COL12A1: variants seen among roughly 807,000 people sequenced by gnomAD.
COL12A1 encodes the protein collagen type XII alpha 1 chain.
In COL12A1, 114 loss-of-function variants were observed where a neutral mutation model predicts 349.7. That is an observed-to-expected ratio of 0.33 (90% CI 0.28 to 0.38). The LOEUF (loss-of-function observed/expected upper bound fraction) is 0.38, where lower values mean the gene tolerates loss of function less well. COL12A1 is among the 10% of genes least tolerant of loss of function. The pLI, the probability that COL12A1 is intolerant of heterozygous loss-of-function variation, is 1.00. For missense variants in COL12A1, 3,284 were observed against 3,756.9 expected, an observed-to-expected ratio of 0.87 and a Z score of 3.29; for synonymous variants, 1,369 against 1,329.0, an observed-to-expected ratio of 1.03 and a Z score of -0.66.
chr6:75,200,286 T>C (rs1770461569), intron 2 of COL12A1, among the ~76,000 whole-genome samples: 1 of 152,170 alleles, frequency 6.6e-6, no homozygotes, highest in African/African-American at 2.4e-5. Context: ...TCTTAAAATG[T>C]GGCCAGTACG....
rs373739940 is a variant in COL12A1 at position 75,133,410 on chromosome 6, C to T, written c.5677G>A (p.Gly1893Arg). The stretch of plus-strand genomic sequence containing the variant: ...CTAAGAATGGCATAATTGGTATTCC[C>T]GGGGATTGGTACCTAAAGATTTTAA... ...GGPEELVPIP[G>R]NTNYAILRNL... The change falls in exon 34 of 66, where the codon GGG (glycine) becomes AGG (arginine). Residue 1893 changes from glycine to arginine, a missense_variant. Physicochemically the swap from Gly to Arg is moderately radical, Grantham distance 125. Transcript: ENST00000322507. The T allele has an allele frequency of 7.0e-5, 113 of 1,606,724 alleles. No individual in the cohort carries two copies. The highest frequency in any genetic ancestry group is 6.6e-4 in the Middle Eastern group (4 of 6,032).
intron 13 of COL12A1, 133 bp from the exon 14 acceptor site, chr6:75,165,912 C>A: frequency 1.2e-6 from 1 of 825,850 alleles, no homozygotes; most frequent in Non-Finnish European, 1.9e-6. Context: ...CCCATTTCTT[C>A]TTTTTGAGTT....
intron 53 of COL12A1, among the ~76,000 whole-genome samples, chr6:75,106,077 C>T (rs1188435131): frequency 6.6e-6 from 1 of 152,098 alleles, no homozygotes; most frequent in Non-Finnish European, 1.5e-5. Flanking sequence ...ATCTAAAAAA[C>T]CTTAGTCATC....
In COL12A1 at chr6:75,195,133, T is replaced by C. The variant is rs145319857; in HGVS notation, c.74-186A>G. On this transcript the variant is annotated intron_variant, in intron 2 of 65. Transcript: ENST00000322507. ...AAAGCTGACAAAACATCAGAGAGTG[T>C]ACATATTACAGAAGACAGCACAAAA... Among the ~76,000 whole-genome samples the C allele has an allele frequency of 3.6e-4, 55 of 152,226 alleles. No individual in the cohort carries two copies. In the East Asian group the frequency reaches 0.01, roughly 29 times the overall value.
Position 75,165,496 on chromosome 6 carries a change from A to G in COL12A1, c.2983+11T>C, listed in dbSNP as rs538734381. The G allele has an allele frequency of 1.9e-6, 3 of 1,611,896 alleles. No individual in the cohort carries two copies. Among genetic ancestry groups the G allele is most frequent in the Non-Finnish European group, 2.5e-6 (3 of 1,179,478 alleles). On this transcript the variant is annotated intron_variant, in intron 14 of 65. Transcript: ENST00000322507. Reference sequence around the variant, plus strand: ...CGGCACACACCCAAACACACCCATAATGTTACCTACATTCAGTTGTGGCAT... The same window carrying G: ...CGGCACACACCCAAACACACCCATAGTGTTACCTACATTCAGTTGTGGCAT...
At chr6:75,189,162 A>G in intron 7 of COL12A1, 55 bp downstream of exon 7, 1 of 1,551,798 alleles carries the variant, frequency 6.4e-7, no homozygotes, top group East Asian at 2.2e-5. Flanking sequence ...CTTCCTAAAC[A>G]TTAAGTATAC....
chr6:75,124,448 C>T (rs1432638755), intron 40 of COL12A1, 77 bp from the exon 41 acceptor site: 3 of 1,048,674 alleles, frequency 2.9e-6, no homozygotes, highest in Non-Finnish European at 4.1e-6. Flanking sequence ...ACACAATTTT[C>T]AAACTTTCAC....
chr6:75,130,910 G>A lies in COL12A1; in HGVS notation c.6009C>T (p.Asn2003=). 6.2e-7 allele frequency: 1 copy of A among 1,614,106 alleles called. No individual in the cohort carries two copies. The highest frequency in any genetic ancestry group is 8.5e-7 in the Non-Finnish European group (1 of 1,179,992). ...CTCCATCCGAGTACAGAGCCACAAG[G>A]TTCACGGAATAGAGTGTGTCCGGAA... ...RLIPDTLYSV[N]LVALYSDGEG... is the part of the protein sequence containing the mutation. Residue 2003 remains asparagine (N), a synonymous_variant, in exon 36 of 66, where the codon AAC becomes AAT. Transcript: ENST00000322507.
rs549531982 is a variant in COL12A1 at position 75,095,611 on chromosome 6, G to A, written c.8578-432C>T. On this transcript the variant is annotated intron_variant, in intron 59 of 65. Coordinates refer to ENST00000322507, the MANE Select transcript of COL12A1 (RefSeq NM_004370.6). ...CGCAGTCCGGCCTGGGCGACAGAGC[G>A]AGACTCCGTCTCAAAAAAAAAAAAA... 2.3e-3 allele frequency among the ~76,000 whole-genome samples: 309 copies of A among 136,690 alleles called. 1 individual carries two copies. The highest frequency in any genetic ancestry group is 4.0e-3 in the Middle Eastern group (1 of 248). The allele number at this position is 136,690 out of a possible 152,430, so 89.7% of individuals were successfully genotyped here.
chr6:75,114,639 G>A (rs1198868480), intron 49 of COL12A1, among the ~76,000 whole-genome samples: 9 of 152,024 alleles, frequency 5.9e-5, no homozygotes, highest in Non-Finnish European at 8.8e-5. Flanking sequence ...AAGCTTTCAT[G>A]TCCTAATACC....
chr6:75,116,373 C>T (rs1273646496), intron 47 of COL12A1, among the ~76,000 whole-genome samples: 1 of 152,088 alleles, frequency 6.6e-6, no homozygotes, highest in Non-Finnish European at 1.5e-5. Flanking sequence ...GAACTTCCCT[C>T]CCAGGGAATT....
At chr6:75,176,391 G>C (rs958053837) in intron 12 of COL12A1, among the ~76,000 whole-genome samples, 15 of 151,042 alleles carry the variant, frequency 9.9e-5, no homozygotes, top group African/African-American at 3.6e-4. Flanking sequence ...TGATGCAGTG[G>C]GAGGTGGGAG....
intron 17 of COL12A1, among the ~76,000 whole-genome samples, chr6:75,153,515 T>A (rs984865297): frequency 1.2e-4 from 19 of 152,282 alleles, no homozygotes; most frequent in African/African-American, 4.6e-4. Flanking sequence ...ATTACAAGGT[T>A]AGCATTTGGT....
intron 10 of COL12A1, among the ~76,000 whole-genome samples, chr6:75,181,994 G>A (rs1027865269): frequency 1.3e-5 from 2 of 151,618 alleles, no homozygotes; most frequent in African/African-American, 2.4e-5. Context: ...TACTGGGTAG[G>A]CTGGGGTGCG....
chr6:75,156,017 T>G (rs922948429), intron 15 of COL12A1, among the ~76,000 whole-genome samples, 163 bp from the exon 16 acceptor site: 4 of 152,170 alleles, frequency 2.6e-5, no homozygotes, highest in African/African-American at 9.7e-5. Context: ...GCTAGCTAAG[T>G]AGAAGTGTAA....
At chr6:75,178,965 G>C (rs941516031) in intron 11 of COL12A1, among the ~76,000 whole-genome samples, 11 of 152,190 alleles carry the variant, frequency 7.2e-5, no homozygotes, top group African/African-American at 2.7e-4. Context: ...TCAGCAGATA[G>C]ACTGATGGGT....
intron 14 of COL12A1, among the ~76,000 whole-genome samples, chr6:75,164,204 G>A (rs980757436): frequency 6.6e-6 from 1 of 152,128 alleles, no homozygotes; most frequent in Non-Finnish European, 1.5e-5. Flanking sequence ...TAAAGAAGTT[G>A]ATTTTTAAAA....
Position 75,189,290 on chromosome 6 carries a change from A to G in COL12A1, c.750T>C (p.Asp250=), listed in dbSNP as rs760705606. The change falls in exon 7 of 66, where the codon GAT becomes GAC. Residue 250 remains aspartate (D), a synonymous_variant. Transcript: ENST00000322507. ...GFPKVAIIIT[D]GKSQDEVEIP... is the part of the protein sequence containing the mutation. ...TTTCCACTTCATCCTGGGATTTTCCATCCGTAATAATAATTGCCACTTTAG... is the reference window on the plus strand; with the variant it reads ...TTTCCACTTCATCCTGGGATTTTCCGTCCGTAATAATAATTGCCACTTTAG... The G allele has an allele frequency of 1.9e-6, 3 of 1,613,210 alleles. No individual in the cohort carries two copies. Among genetic ancestry groups the G allele is most frequent in the South Asian group, 1.1e-5 (1 of 91,034 alleles).
At chr6:75,123,927 C>A (rs374676583) in intron 42 of COL12A1, 21 bp downstream of exon 42, 18 of 1,593,994 alleles carry the variant, frequency 1.1e-5, no homozygotes, top group Non-Finnish European at 1.5e-5. Context: ...TGAAAGCTTT[C>A]CAGATTCCTC....
Sources: gnomAD v4.1 joint callset for allele counts (sites outside exome capture counted in the v4.1 genomes callset) on GRCh38, gnomAD v4.1.1 for gene constraint, MANE v1.5 for transcripts, NCBI Gene and HGNC (gene_info 2026-07-23, HGNC 2026-07-21) for gene names.